Variants in OTOGL observed in about 807,000 individuals in gnomAD.
The protein encoded by OTOGL is otogelin like, also known as otogelin-like protein.
In OTOGL, 285 loss-of-function variants were observed where a neutral mutation model predicts 318.5. The observed-to-expected ratio is 0.89, with a 90% CI of 0.81 to 0.99. The LOEUF is 0.99. OTOGL is among the 50% of genes least tolerant of loss of function. The probability of loss-of-function intolerance (pLI) is 0.00; values close to 1 mark genes in which losing one functional copy is unlikely to be tolerated. For missense variants in OTOGL, 2,899 were observed against 2,845.6 expected (o/e 1.02, Z -0.43); for synonymous variants, 987 against 936.5 (o/e 1.05, Z -0.99).
At chr12:80,179,230 G>A (rs1462356467) in intron 1 of OTOGL, among the ~76,000 whole-genome samples, 1 of 152,140 alleles carries the variant, frequency 6.6e-6, no homozygotes, top group Non-Finnish European at 1.5e-5. Flanking sequence ...ACAGGAGAAG[G>A]GCAAATGGTG....
chr12:80,267,524 C>T (rs1269166913), intron 22 of OTOGL, among the ~76,000 whole-genome samples, 197 bp downstream of exon 22: 2 of 151,146 alleles, frequency 1.3e-5, no homozygotes, highest in Admixed American at 6.6e-5. Context: ...ATTTACATTA[C>T]ATTGAGTATA....
intron 40 of OTOGL, 82 bp downstream of exon 40, chr12:80,336,637 A>C: frequency 6.7e-7 from 1 of 1,484,712 alleles, no homozygotes; most frequent in Non-Finnish European, 9.2e-7. Flanking sequence ...TTCTCACAGG[A>C]GGAGGGAGCT....
In OTOGL at chr12:80,355,968, A is replaced by C. The variant is rs1250600096; in HGVS notation, c.5806+20A>C. ...TTTGTGGTATGTATGCAGAAGCCTT[A>C]TAGTCAATTGATTCCACAAAATATG... On this transcript the variant is annotated intron_variant, in intron 47 of 58. Transcript: ENST00000547103. The C allele has an allele frequency of 6.2e-7, 1 of 1,603,872 alleles. No homozygotes were observed. Among genetic ancestry groups the C allele is most frequent in the East Asian group, 2.2e-5 (1 of 44,844 alleles).
intron 9 of OTOGL, among the ~76,000 whole-genome samples, chr12:80,238,565 G>A (rs1880071007): frequency 6.6e-6 from 1 of 152,018 alleles, no homozygotes; most frequent in Non-Finnish European, 1.5e-5. Context: ...TGCTTCACTG[G>A]TGTGTACGTT....
chr12:80,270,285 G>A, intron 23 of OTOGL, 131 bp downstream of exon 23: 1 of 719,140 alleles, frequency 1.4e-6, no homozygotes, highest in Non-Finnish European at 2.3e-6. Flanking sequence ...TCTTCAACAT[G>A]GTGTTCCAGT....
intron 1 of OTOGL, among the ~76,000 whole-genome samples, chr12:80,147,892 G>C (rs1356861005): frequency 6.6e-6 from 1 of 151,496 alleles, no homozygotes; most frequent in South Asian, 2.1e-4. Flanking sequence ...GCCTTTTTTT[G>C]TTCTCCATTT....
chr12:80,135,970 G>C (rs1361780737), intron 1 of OTOGL, among the ~76,000 whole-genome samples: 1 of 152,158 alleles, frequency 6.6e-6, no homozygotes, highest in African/African-American at 2.4e-5. Context: ...CTCAAACTGG[G>C]ATATTGGCTG....
At chr12:80,211,397 A>T (rs900247741) in intron 3 of OTOGL, among the ~76,000 whole-genome samples, 5 of 152,202 alleles carry the variant, frequency 3.3e-5, no homozygotes, top group African/African-American at 1.2e-4. Context: ...ATTTTTTAAA[A>T]ATAAAATGTT....
intron 9 of OTOGL, among the ~76,000 whole-genome samples, chr12:80,235,698 T>A (rs115148832): frequency 1.3e-5 from 2 of 152,098 alleles, no homozygotes; most frequent in Admixed American, 6.5e-5. Context: ...GGTGTCAGTC[T>A]GCCAGAGGAA....
chr12:80,216,870 C>T (rs193298557), intron 4 of OTOGL, among the ~76,000 whole-genome samples: 53 of 152,118 alleles, frequency 3.5e-4, no homozygotes, highest in African/African-American at 1.2e-3. Context: ...ATGGGTGCAG[C>T]ACACCAACAT....
intron 7 of OTOGL, among the ~76,000 whole-genome samples, chr12:80,225,011 A>C (rs1013478916): frequency 7.2e-5 from 11 of 152,034 alleles, no homozygotes; most frequent in African/African-American, 2.7e-4. Context: ...TGTACCCCAT[A>C]TATATATGTA....
At chr12:80,145,818 C>T (rs1187954455) in intron 1 of OTOGL, among the ~76,000 whole-genome samples, 2 of 151,916 alleles carry the variant, frequency 1.3e-5, no homozygotes, top group Non-Finnish European at 2.9e-5. Context: ...CTCTTTGAAG[C>T]AGTTGTGAAT....
chr12:80,298,522 C>T (rs1394353757), intron 27 of OTOGL, among the ~76,000 whole-genome samples: 2 of 152,250 alleles, frequency 1.3e-5, no homozygotes, highest in African/African-American at 2.4e-5. Context: ...ATTCTTCTTA[C>T]CCTCCCTATT....
chr12:80,141,769 T>A (rs1441193694), intron 1 of OTOGL, among the ~76,000 whole-genome samples: 1 of 152,174 alleles, frequency 6.6e-6, no homozygotes, highest in Non-Finnish European at 1.5e-5. Context: ...AATTTCAAGT[T>A]GCTTATATTT....
At chr12:80,314,718 A>G (rs1269168147) in intron 32 of OTOGL, among the ~76,000 whole-genome samples, 3 of 152,090 alleles carry the variant, frequency 2.0e-5, no homozygotes, top group Non-Finnish European at 2.9e-5. Context: ...ATTTTATCTT[A>G]TTTTTAAATT....
rs1416413507 is a variant in OTOGL, at chr12:80,247,333, G to C, written c.1053-4360G>C. ...TAAATTTCCCTCTACACACTGCTTT[G>C]AATGCGTCCCAGAGATTCTGGTATG... is the stretch of plus-strand genomic sequence containing the variant. On this transcript the variant is annotated intron_variant, in intron 11 of 58. Coordinates refer to ENST00000547103, the MANE Select transcript of OTOGL (RefSeq NM_001378609.3). 5.6e-5 allele frequency among the ~76,000 whole-genome samples: 8 copies of C among 143,522 alleles called. 1 individual carries two copies. The highest frequency in any genetic ancestry group is 2.3e-4 in the African/African-American group (8 of 35,288). 94.2% of individuals were successfully genotyped at this position (143,522 alleles called of 152,430 possible).
chr12:80,184,083 T>C (rs2137245995), intron 1 of OTOGL, among the ~76,000 whole-genome samples: 1 of 152,322 alleles, frequency 6.6e-6, no homozygotes, highest in South Asian at 2.1e-4. Flanking sequence ...TAAGCAAAAC[T>C]GTAGTTTATG....
chr12:80,294,362 A>G (rs147658141), intron 26 of OTOGL, among the ~76,000 whole-genome samples: 1 of 152,238 alleles, frequency 6.6e-6, no homozygotes, highest in East Asian at 1.9e-4. Context: ...ATAGCAATAA[A>G]ATATAATGGC....
Position 80,219,901 on chromosome 12 carries a change from G to A in OTOGL, c.323G>A (p.Arg108Lys), listed in dbSNP as rs1452205092. The A allele has an allele frequency of 1.9e-6, 3 of 1,570,822 alleles. No homozygotes were observed. Among genetic ancestry groups the A allele is most frequent in the Non-Finnish European group, 2.6e-6 (3 of 1,155,736 alleles). ...CAAATATTTCAGGCTCTTGGGACAA[G>A]ATGCCAGATCAGTAAGTTTCAGGGA... Reference protein sequence around the residue: ...DCQIFQALGTRCQIIPNMGNG... With the variant: ...DCQIFQALGTKCQIIPNMGNG... The change falls in exon 6 of 59, where the codon AGA (arginine) becomes AAA (lysine). Residue 108 changes from arginine (R) to lysine (K), a missense_variant. Transcript: ENST00000547103.
Sources: allele counts gnomAD v4.1 joint callset (sites outside exome capture counted in the v4.1 genomes callset), GRCh38; gene constraint gnomAD v4.1.1; transcripts MANE v1.5; gene names NCBI Gene and HGNC (gene_info 2026-07-23, HGNC 2026-07-21).